Variants in JAM2 observed in about 807,000 individuals in gnomAD.
The protein encoded by JAM2 is junctional adhesion molecule B.
In JAM2, 17 loss-of-function variants were observed where a neutral mutation model predicts 42.0. That is an observed-to-expected ratio of 0.40 (90% CI 0.28 to 0.61). The LOEUF is 0.61. JAM2 is among the 20% of genes least tolerant of loss of function. The pLI is 0.37. For synonymous variants in JAM2, 118 were observed against 128.6 expected (o/e 0.92, Z 0.56); for missense variants, 319 against 358.3 (o/e 0.89, Z 0.89).
intron 1 of JAM2, among the ~76,000 whole-genome samples, chr21:25,670,404 GA>G (rs2033331984): frequency 1.3e-5 from 2 of 151,854 alleles, no homozygotes; most frequent in Non-Finnish European, 2.9e-5. Context: ...GTGATCGCTG[GA>G]GCCCCGGGAG....
intron 1 of JAM2, among the ~76,000 whole-genome samples, chr21:25,655,350 ATTTTTTT>A (rs751257378): frequency 0.017 from 1,745 of 100,214 alleles, 19 homozygotes; most frequent in African/African-American, 0.035. Context: ...CTGAAATTCT[ATTTTTTT>A]TTTTTTTTTT....
chr21:25,696,045 G>C lies in JAM2; in HGVS notation c.394+2137G>C, dbSNP rs1369329883. Among the ~76,000 whole-genome samples the C allele has an allele frequency of 1.3e-5, 2 of 152,220 alleles. 1 individual carries two copies. The highest frequency in any genetic ancestry group is 1.3e-4 in the Admixed American group (2 of 15,288). ...GGGAGGCCAAGGCAGGCGGCTGGGA[G>C]GTGGAGGTTGTAGCGAGCCGAGATC... On this transcript the variant is annotated intron_variant, in intron 4 of 9. Coordinates refer to ENST00000480456, the MANE Select transcript of JAM2 (RefSeq NM_021219.4).
In JAM2 at chr21:25,714,688, G is replaced by A. The variant is rs1257661131; in HGVS notation, c.*16G>A. On this transcript the variant is annotated 3_prime_UTR_variant, in exon 10 of 10. Coordinates refer to ENST00000480456, the MANE Select transcript of JAM2 (RefSeq NM_021219.4). Reference sequence around the variant, plus strand: ...TATAATTTAAAGACTCCACTTTAGAGATACACCAAAGCCACCGTTGTTACA... The same window carrying A: ...TATAATTTAAAGACTCCACTTTAGAAATACACCAAAGCCACCGTTGTTACA... 2.0e-6 allele frequency: 3 copies of A among 1,485,352 alleles called. No individual in the cohort carries two copies. In the East Asian group the frequency reaches 7.5e-5, roughly 37 times the overall value. 92.0% of individuals were successfully genotyped at this position (1,485,352 alleles called of 1,614,324 possible). A position where few individuals can be genotyped will look rare whatever the true frequency, so the allele number is the denominator to read the frequency against.
rs930550231 is a variant in JAM2 at position 25,639,530 on chromosome 21, GACCC to G, written c.-291_-288del. On this transcript the variant is annotated 5_prime_UTR_variant, in exon 1 of 10. Coordinates refer to ENST00000480456, the MANE Select transcript of JAM2 (RefSeq NM_021219.4). ...TCTCCTCCTGCTGCCCCCTCGCTAG[GACCC>G]GGCGGACGCCTCGTCTGGTTTTCAC... The G allele has an allele frequency of 3.9e-5, 13 of 332,820 alleles. No homozygotes were observed. The highest frequency in any genetic ancestry group is 2.9e-4 in the Admixed American group (6 of 20,390). 20.6% of individuals were successfully genotyped at this position (332,820 alleles called of 1,614,324 possible). A position where few individuals can be genotyped will look rare whatever the true frequency, so the allele number is the denominator to read the frequency against.
intron 1 of JAM2, among the ~76,000 whole-genome samples, chr21:25,648,035 A>T (rs1424191321): frequency 6.6e-6 from 1 of 152,144 alleles, no homozygotes; most frequent in East Asian, 1.9e-4. Flanking sequence ...ACGTGGTGAA[A>T]CCCTGTATCT....
intron 1 of JAM2, among the ~76,000 whole-genome samples, chr21:25,658,000 T>G (rs530822791): frequency 6.6e-6 from 1 of 152,240 alleles, no homozygotes; most frequent in South Asian, 2.1e-4. Flanking sequence ...AACAGGAAGT[T>G]GTTGAAGGTT....
At chr21:25,660,783 T>C (rs1320056760) in intron 1 of JAM2, among the ~76,000 whole-genome samples, 1 of 36,394 alleles carries the variant, frequency 2.7e-5, no homozygotes, top group African/African-American at 1.9e-4. Flanking sequence ...TATATATATA[T>C]TTTTTTTTTT....
chr21:25,710,236 A>C (rs1568921201), intron 8 of JAM2: 1 of 152,156 alleles, frequency 6.6e-6, no homozygotes, highest in East Asian at 1.9e-4. Flanking sequence ...GTTAACAGTC[A>C]TTTTTTTATA....
At chr21:25,690,917 T>A (rs973218157) in intron 3 of JAM2, among the ~76,000 whole-genome samples, 39 of 152,320 alleles carry the variant, frequency 2.6e-4, no homozygotes, top group African/African-American at 9.1e-4. Flanking sequence ...TTTAAAATAT[T>A]GATAATGATG....
At chr21:25,694,128 G>A (rs367768203) in intron 4 of JAM2, among the ~76,000 whole-genome samples, 1 of 152,202 alleles carries the variant, frequency 6.6e-6, no homozygotes, top group Non-Finnish European at 1.5e-5. Context: ...TTATCACAAA[G>A]TATCTCTTTG....
intron 1 of JAM2, among the ~76,000 whole-genome samples, chr21:25,663,208 G>A (rs555394132): frequency 6.6e-6 from 1 of 152,320 alleles, no homozygotes; most frequent in African/African-American, 2.4e-5. Context: ...GTAGTCAAAG[G>A]AAGGCTGGAA....
chr21:25,686,173 G>A (rs1195936230), intron 2 of JAM2, among the ~76,000 whole-genome samples: 1 of 152,134 alleles, frequency 6.6e-6, no homozygotes, highest in Admixed American at 6.5e-5. Context: ...TTTAATGCAT[G>A]TTTTATTTTT....
At position 25,712,518 on chromosome 21, in the gene JAM2, G is replaced by A. The variant is rs563826053; in HGVS notation, c.864+136G>A. ...CAGTGTCTATCACTGGTGTTTAAAA[G>A]GAGCTAAGTAGATGTTAGCTTCTGT... is the stretch of plus-strand genomic sequence containing the variant. On this transcript the variant is annotated intron_variant, in intron 9 of 9. Coordinates refer to ENST00000480456, the MANE Select transcript of JAM2 (RefSeq NM_021219.4). The A allele has an allele frequency of 9.6e-5, 59 of 612,506 alleles. 1 individual carries two copies. The South Asian group carries it at 1.2e-3, about 13-fold the overall frequency. 37.9% of individuals were successfully genotyped at this position (612,506 alleles called of 1,614,324 possible). A position where few individuals can be genotyped will look rare whatever the true frequency, so the allele number is the denominator to read the frequency against.
chr21:25,680,800 CGATGGATG>C (rs557196760), intron 1 of JAM2, among the ~76,000 whole-genome samples: 1 of 149,942 alleles, frequency 6.7e-6, no homozygotes, highest in Non-Finnish European at 1.5e-5. Context: ...GGATGACGAT[CGATGGATG>C]GATGGATGGA....
chr21:25,678,435 G>C (rs2033550284), intron 1 of JAM2, among the ~76,000 whole-genome samples: 1 of 152,104 alleles, frequency 6.6e-6, no homozygotes, highest in South Asian at 2.1e-4. Context: ...GAGAAGAAAG[G>C]GATATGGGGG....
Position 25,655,647 on chromosome 21 carries a change from ATTTT to A in JAM2, c.67+15784_67+15787del, listed in dbSNP as rs536746237. ...AGGCGTCTGCCACTACGCCCAGCTA[ATTTT>A]TTTTTTTTTTTTTTTTTTTTTTTTA... On this transcript the variant is annotated intron_variant, in intron 1 of 9. Transcript: ENST00000480456. 9.3e-3 allele frequency among the ~76,000 whole-genome samples: 842 copies of A among 90,786 alleles called. 6 individuals are homozygous for A. The highest frequency in any genetic ancestry group is 0.044 in the African/African-American group (763 of 17,534). 59.6% of individuals were successfully genotyped at this position (90,786 alleles called of 152,430 possible). A position where few individuals can be genotyped will look rare whatever the true frequency, so the allele number is the denominator to read the frequency against.
chr21:25,690,359 T>G (rs749179223), intron 3 of JAM2, among the ~76,000 whole-genome samples: 5 of 151,984 alleles, frequency 3.3e-5, no homozygotes, highest in Non-Finnish European at 5.9e-5. Flanking sequence ...TTCAAGATTT[T>G]GTTCTCTTGC....
intron 2 of JAM2, 50 bp from the exon 3 acceptor site, chr21:25,689,816 T>C: frequency 8.2e-7 from 1 of 1,214,318 alleles, no homozygotes; most frequent in Non-Finnish European, 1.2e-6. Context: ...AAGTAAAATA[T>C]AAATTCATGG....
At chr21:25,693,931 A>G (rs778218180) in intron 4 of JAM2, 23 bp downstream of exon 4, 1 of 1,609,348 alleles carries the variant, frequency 6.2e-7, no homozygotes, top group Non-Finnish European at 8.5e-7. Context: ...TATGTGTGTG[A>G]CTACGTCTCC....
Sources: allele counts gnomAD v4.1 joint callset (sites outside exome capture counted in the v4.1 genomes callset), GRCh38; gene constraint gnomAD v4.1.1; transcripts MANE v1.5; gene names NCBI Gene and HGNC (gene_info 2026-07-23, HGNC 2026-07-21).